PCDH19: variants seen among roughly 807,000 people sequenced by gnomAD.
PCDH19 encodes protocadherin-19.
In PCDH19, 6 loss-of-function variants were observed where a neutral mutation model predicts 46.2. That is an observed-to-expected ratio of 0.13 (90% CI 0.07 to 0.26). The LOEUF is 0.26. Ranked by LOEUF, PCDH19 falls within the 10% of genes least tolerant of loss-of-function variation. The pLI is 1.00. For missense variants in PCDH19, 740 were observed against 972.3 expected (o/e 0.76, Z 3.18); for synonymous variants, 481 against 415.7 (o/e 1.16, Z -1.91).
At chrX:100,398,727 G>T (rs1290005693) in intron 3 of PCDH19, among the ~76,000 whole-genome samples, 1 of 112,171 alleles carries the variant, frequency 8.9e-6, no homozygotes, top group Non-Finnish European at 1.9e-5. Context: ...AACAATGCTT[G>T]CTGACTTGAT....
intron 5 of PCDH19, among the ~76,000 whole-genome samples, chrX:100,305,266 T>G (rs1038164255): frequency 9.5e-6 from 1 of 104,977 alleles, no homozygotes; most frequent in Non-Finnish European, 2.0e-5. Context: ...TGGGGTCCTA[T>G]TTTTAGCCTC....
chrX:100,325,560 G>A (rs1486316376), intron 5 of PCDH19, among the ~76,000 whole-genome samples: 1 of 110,696 alleles, frequency 9.0e-6, no homozygotes, highest in Non-Finnish European at 1.9e-5. Context: ...AGTAGAGATG[G>A]GGTTTCACCA....
chrX:100,402,765 T>A lies in PCDH19; in HGVS notation c.2375A>T (p.Asp792Val). ...SKNDIRLVPRDVEETDKMNVV... is the reference protein window; with the variant it reads ...SKNDIRLVPRVVEETDKMNVV... ...GTTCATCTTGTCTGTCTCCTCCACATCCCGGGGTACCAGGCGGATGTCATT... is the reference window on the plus strand; with the variant it reads ...GTTCATCTTGTCTGTCTCCTCCACAACCCGGGGTACCAGGCGGATGTCATT... Residue 792 changes from aspartate (D) to valine (V), a missense_variant, in exon 3 of 6, where the codon GAT (aspartate) becomes GTT (valine). By Grantham distance (152) the Asp-to-Val change is radical. Transcript: ENST00000373034. 1 of 1,211,071 alleles carries A rather than the reference T, an allele frequency of 8.3e-7. No individual in the cohort carries two copies. The highest frequency in any genetic ancestry group is 1.8e-5 in the South Asian group (1 of 56,930).
At chrX:100,345,257 T>C (rs1390013790) in intron 4 of PCDH19, among the ~76,000 whole-genome samples, 4 of 111,661 alleles carry the variant, frequency 3.6e-5, no homozygotes, top group Non-Finnish European at 5.7e-5. Flanking sequence ...ATTATGTCCA[T>C]AGTTTTTATA....
chrX:100,316,769 A>T (rs146349556), intron 5 of PCDH19, among the ~76,000 whole-genome samples: 54 of 112,180 alleles, frequency 4.8e-4, no homozygotes, highest in African/African-American at 1.5e-3. Context: ...CATTATTTAA[A>T]CAAATCTCAA....
Position 100,296,038 on chromosome X carries a change from CCAA to C in PCDH19, c.*236_*238del. Reference sequence around the variant, plus strand: ...CACAACTGAATTTGTCTCTGTTTCCCCAACATCAAGGCCCCATGAACAACTCAA... The same window carrying C: ...CACAACTGAATTTGTCTCTGTTTCCCCATCAAGGCCCCATGAACAACTCAA... On this transcript the variant is annotated 3_prime_UTR_variant, in exon 6 of 6. Coordinates refer to ENST00000373034, the MANE Select transcript of PCDH19 (RefSeq NM_001184880.2). 1 of 415,905 alleles carries C rather than the reference CCAA, an allele frequency of 2.4e-6. No homozygotes were observed. Among genetic ancestry groups the C allele is most frequent in the East Asian group, 3.8e-5 (1 of 26,596 alleles). 34.3% of individuals were successfully genotyped at this position (415,905 alleles called of 1,213,427 possible).
At chrX:100,338,043 G>A (rs778000582) in intron 5 of PCDH19, among the ~76,000 whole-genome samples, 8 of 111,565 alleles carry the variant, frequency 7.2e-5, no homozygotes, top group African/African-American at 2.6e-4. Flanking sequence ...TGCCCTTTGA[G>A]TTCAAAAGTC....
chrX:100,354,468 T>A (rs73630682), intron 3 of PCDH19, among the ~76,000 whole-genome samples: 1 of 111,655 alleles, frequency 9.0e-6, no homozygotes, highest in Non-Finnish European at 1.9e-5. Flanking sequence ...GTGATTTTTT[T>A]AAAAAGCTTT....
intron 3 of PCDH19, among the ~76,000 whole-genome samples, chrX:100,361,123 G>T (rs1926869004): frequency 8.9e-6 from 1 of 112,099 alleles, no homozygotes; most frequent in African/African-American, 3.2e-5. Flanking sequence ...TCAGCATCTT[G>T]AAACTGCCAG....
chrX:100,347,385 C>A (rs970233743), intron 4 of PCDH19, among the ~76,000 whole-genome samples: 5 of 112,076 alleles, frequency 4.5e-5, no homozygotes, highest in African/African-American at 1.6e-4. Context: ...ATGTTCCCTA[C>A]ATGCTCTCTT....
chrX:100,331,602 G>T (rs777919745), intron 5 of PCDH19, among the ~76,000 whole-genome samples: 1 of 112,139 alleles, frequency 8.9e-6, no homozygotes, highest in South Asian at 3.8e-4. Flanking sequence ...ATCCCCATGT[G>T]TTGAGGGAGG....
intron 3 of PCDH19, among the ~76,000 whole-genome samples, chrX:100,375,574 T>C (rs1425475948): frequency 8.9e-6 from 1 of 112,392 alleles, no homozygotes; most frequent in African/African-American, 3.2e-5. Flanking sequence ...TGTGTCTTTA[T>C]AGCAGCATGA....
intron 3 of PCDH19, among the ~76,000 whole-genome samples, chrX:100,386,994 G>A (rs1190120414): frequency 1.8e-5 from 2 of 112,069 alleles, no homozygotes. Context: ...CACAATCAGA[G>A]TGATGTTGTA....
intron 5 of PCDH19, among the ~76,000 whole-genome samples, chrX:100,302,191 G>A (rs1420609167): frequency 8.9e-6 from 1 of 111,775 alleles, no homozygotes; most frequent in African/African-American, 3.3e-5. Flanking sequence ...AGATACTGTA[G>A]AGCTACCCTC....
At chrX:100,333,013 GAAAGAAAGAAA>G (rs1925926153) in intron 5 of PCDH19, among the ~76,000 whole-genome samples, 1 of 96,375 alleles carries the variant, frequency 1.0e-5, no homozygotes. Context: ...AAAAAGAAAA[GAAAGAAAGAAA>G]AAAGAAAAGA....
chrX:100,383,322 T>G (rs917675559), intron 3 of PCDH19, among the ~76,000 whole-genome samples: 59 of 112,067 alleles, frequency 5.3e-4, no homozygotes, highest in African/African-American at 1.9e-3. Context: ...CTCTAACTTC[T>G]AAAAGCAAAG....
chrX:100,350,492 T>C (rs1263312536), intron 4 of PCDH19, among the ~76,000 whole-genome samples, 154 bp downstream of exon 4: 3 of 112,093 alleles, frequency 2.7e-5, no homozygotes, highest in East Asian at 5.6e-4. Flanking sequence ...TACTTTTTTA[T>C]GCTTTTCTCA....
At chrX:100,330,614 T>C (rs1398017647) in intron 5 of PCDH19, among the ~76,000 whole-genome samples, 1 of 112,361 alleles carries the variant, frequency 8.9e-6, no homozygotes, top group African/African-American at 3.2e-5. Context: ...GTTGCAGTCC[T>C]GCATTACTTA....
Position 100,316,444 on chromosome X carries a change from T to A in PCDH19, c.2849-19569A>T, listed in dbSNP as rs149066949. Among the ~76,000 whole-genome samples the A allele has an allele frequency of 9.6e-4, 108 of 112,142 alleles. 2 individuals are homozygous for A. The highest frequency in any genetic ancestry group is 9.6e-3 in the East Asian group (34 of 3,553). ...GGAAGCCAAGTACCTTTGTGTTAGC[T>A]ATCAATGATACTCCCCCAAGAATAA... On this transcript the variant is annotated intron_variant, in intron 5 of 5. Transcript: ENST00000373034.
Sources: allele counts gnomAD v4.1 joint callset (sites outside exome capture counted in the v4.1 genomes callset), GRCh38; gene constraint gnomAD v4.1.1; transcripts MANE v1.5; gene names NCBI Gene and HGNC (gene_info 2026-07-23, HGNC 2026-07-21).